The following TUBAL3 variants were observed in gnomAD, a reference collection of about 807,000 sequenced individuals.
The protein encoded by TUBAL3 is tubulin alpha chain-like 3.
Under a neutral mutation model 15.5 loss-of-function variants are expected in TUBAL3, and 16 were observed. The ratio of observed to expected loss-of-function variants is 1.04; its 90% CI spans 0.70 to 1.57. The LOEUF (loss-of-function observed/expected upper bound fraction) is 1.57. Ranked by LOEUF, TUBAL3 falls within the 40% of genes most tolerant of loss-of-function variation. The pLI, the probability that TUBAL3 is intolerant of heterozygous loss-of-function variation, is 0.00. For missense variants in TUBAL3, 609 were observed against 576.2 expected, an observed-to-expected ratio of 1.06 and a Z score of -0.58; for synonymous variants, 238 against 224.3, an observed-to-expected ratio of 1.06 and a Z score of -0.55.
Position 5,395,584 on chromosome 10 carries a change from C to G in TUBAL3, c.248-109G>C. ...CGTACTTGACTCCCATGCTTTCTCTCAATATTGTGGTCCAGGAATGGAATT... is the reference window on the plus strand; with the variant it reads ...CGTACTTGACTCCCATGCTTTCTCTGAATATTGTGGTCCAGGAATGGAATT... On this transcript the variant is annotated intron_variant, in intron 2 of 3. Transcript: ENST00000380419. The surrounding 1 kb of genome is among the most constrained non-coding windows in gnomAD (Gnocchi z 4.6). The G allele has an allele frequency of 8.2e-7, 1 of 1,212,418 alleles. No individual in the cohort carries two copies. The highest frequency in any genetic ancestry group is 1.1e-6 in the Non-Finnish European group (1 of 918,312). 75.1% of individuals were successfully genotyped at this position (1,212,418 alleles called of 1,614,324 possible). A position where few individuals can be genotyped will look rare whatever the true frequency, so the allele number is the denominator to read the frequency against.
In TUBAL3 at chr10:5,396,601, C is replaced by G. The variant is rs1831769003; in HGVS notation, c.248-1126G>C. Among the ~76,000 whole-genome samples the G allele has an allele frequency of 6.6e-6, 1 of 152,184 alleles. No individual in the cohort carries two copies. The highest frequency in any genetic ancestry group is 1.5e-5 in the Non-Finnish European group (1 of 68,030). On this transcript the variant is annotated intron_variant, in intron 2 of 3. Coordinates refer to ENST00000380419, the MANE Select transcript of TUBAL3 (RefSeq NM_024803.3). The surrounding 1 kb of genome is among the most constrained non-coding windows in gnomAD (Gnocchi z 5.1). ...AGAGGATTTAACAGGGAAGGCACGG[C>G]AAACTCAAATGCCCACACGACCCAA...
chr10:5,393,634 C>G lies in TUBAL3; in HGVS notation c.1224G>C (p.Lys408Asn). Reference sequence around the variant, plus strand: ...TGAGGTACCAGTGCAGAAATGCTCTCTTGGCGTACATGAGGTCAAACTTGT... The same window carrying G: ...TGAGGTACCAGTGCAGAAATGCTCTGTTGGCGTACATGAGGTCAAACTTGT... ...LDHKFDLMYA[K>N]RAFLHWYLRE... The change falls in exon 4 of 4, where the codon AAG (lysine) becomes AAC (asparagine). Residue 408 changes from lysine (K) to asparagine (N), a missense_variant. By Grantham distance (94) the Lys-to-Asn change is moderately conservative. Transcript: ENST00000380419. The G allele has an allele frequency of 6.2e-7, 1 of 1,614,200 alleles. No individual in the cohort carries two copies. The highest frequency in any genetic ancestry group is 1.1e-5 in the South Asian group (1 of 91,084).
At chr10:5,401,936 T>C (rs1264584253) in intron 1 of TUBAL3, among the ~76,000 whole-genome samples, 2 of 152,166 alleles carry the variant, frequency 1.3e-5, no homozygotes, top group African/African-American at 4.8e-5. Context: ...ATTTAAAGGA[T>C]GTTACATCAA....
Position 5,394,710 on chromosome 10 carries a change from T to C in TUBAL3, c.397-249A>G, listed in dbSNP as rs1831735844. Among the ~76,000 whole-genome samples, 1 of 152,226 alleles carries C rather than the reference T, an allele frequency of 6.6e-6. No individual in the cohort carries two copies. Among genetic ancestry groups the C allele is most frequent in the Non-Finnish European group, 1.5e-5 (1 of 68,028 alleles). On this transcript the variant is annotated intron_variant, in intron 3 of 3. Transcript: ENST00000380419. This position sits in a 1 kb window ranked among gnomAD's most constrained non-coding sequence, Gnocchi z 4.3. ...AATATCCACCTGTCTTTCACTGACC[T>C]CTGTGCATTTATCGGTATGTGATCG...
chr10:5,394,404 T>G lies in TUBAL3; in HGVS notation c.454A>C (p.Thr152Pro), dbSNP rs1359838584. 2 of 1,613,774 alleles carry G rather than the reference T, an allele frequency of 1.2e-6. No individual in the cohort carries two copies. Among genetic ancestry groups the G allele is most frequent in the Non-Finnish European group, 1.7e-6 (2 of 1,179,942 alleles). ...AAGAGAGACGTAAACCCTGAACCAGTGCCTCCTCCAAAGCTTCGGAAAATC... is the reference window on the plus strand; with the variant it reads ...AAGAGAGACGTAAACCCTGAACCAGGGCCTCCTCCAAAGCTTCGGAAAATC... ...FLIFRSFGGG[T>P]GSGFTSLLME... The change falls in exon 4 of 4, where the codon ACT becomes CCT. Residue 152 changes from threonine (T) to proline (P), a missense_variant. Physicochemically the swap from Thr to Pro is conservative, Grantham distance 38. Coordinates refer to ENST00000380419, the MANE Select transcript of TUBAL3 (RefSeq NM_024803.3). The surrounding 1 kb of genome is among the most constrained non-coding windows in gnomAD (Gnocchi z 4.3).
At chr10:5,398,452 A>C in intron 2 of TUBAL3, among the ~76,000 whole-genome samples, 1 of 145,800 alleles carries the variant, frequency 6.9e-6, no homozygotes, top group Non-Finnish European at 1.5e-5. Flanking sequence ...AAAAAAACTT[A>C]TCCACATGTA....
rs1164086765 is a variant in TUBAL3 at position 5,397,277 on chromosome 10, A to T, written c.248-1802T>A. 6.6e-6 allele frequency among the ~76,000 whole-genome samples: 1 copy of T among 152,166 alleles called. No individual in the cohort carries two copies. The highest frequency in any genetic ancestry group is 1.5e-5 in the Non-Finnish European group (1 of 68,036). ...TAAACTCCAATTTTGCAACCTCTCA[A>T]ATAATATTTATTGAAATTGAGTTTA... On this transcript the variant is annotated intron_variant, in intron 2 of 3. Transcript: ENST00000380419. The surrounding 1 kb of genome is among the most constrained non-coding windows in gnomAD (Gnocchi z 4.9).
intron 1 of TUBAL3, 24 bp from the exon 2 acceptor site, chr10:5,401,111 G>A: frequency 6.2e-7 from 1 of 1,612,364 alleles, no homozygotes; most frequent in South Asian, 1.1e-5. Flanking sequence ...TGGTGAGTTG[G>A]AACTGAGCAG....
chr10:5,402,881 C>T (rs1257881506), intron 1 of TUBAL3, among the ~76,000 whole-genome samples: 3 of 152,196 alleles, frequency 2.0e-5, no homozygotes, highest in African/African-American at 7.2e-5. Flanking sequence ...AAATTGTGTC[C>T]CACAAAACTG....
intron 2 of TUBAL3, among the ~76,000 whole-genome samples, chr10:5,399,452 G>A (rs782079167): frequency 4.6e-5 from 7 of 152,198 alleles, no homozygotes; most frequent in African/African-American, 7.2e-5. Context: ...TGCAAGCTGG[G>A]AAGAGAGCCT....
At chr10:5,403,720 C>T (rs1831891556) in intron 1 of TUBAL3, among the ~76,000 whole-genome samples, 1 of 133,476 alleles carries the variant, frequency 7.5e-6, no homozygotes, top group Admixed American at 8.0e-5. Context: ...CTATCTTTGC[C>T]TTATTCTTCT....
intron 1 of TUBAL3, 96 bp downstream of exon 1, chr10:5,404,694 C>G (rs927591790): frequency 1.0e-5 from 13 of 1,268,642 alleles, no homozygotes; most frequent in African/African-American, 7.4e-5. Context: ...TCTTCTCTTG[C>G]ATTACAATTT....
rs782483305 is a variant in TUBAL3 at position 5,394,337 on chromosome 10, A to G, written c.521T>C (p.Leu174Pro). The change falls in exon 4 of 4, where the codon CTG becomes CCG. Residue 174 changes from leucine to proline, a missense_variant. Physicochemically the swap from Leu to Pro is moderately conservative, Grantham distance 98 (BLOSUM62 -3). Coordinates refer to ENST00000380419, the MANE Select transcript of TUBAL3 (RefSeq NM_024803.3). The surrounding 1 kb of genome is among the most constrained non-coding windows in gnomAD (Gnocchi z 4.3). ...LTGEYSRKTK[L>P]EFSVYPAPRI... is the part of the protein sequence containing the mutation. ...GGGGGCTGGGTAGACCGAGAACTCC[A>G]GCTTAGTCTTTCTGCTATATTCTCC... The G allele has an allele frequency of 3.1e-6, 5 of 1,614,182 alleles. No individual in the cohort carries two copies. In the Admixed American group the frequency reaches 6.7e-5, roughly 22 times the overall value.
Position 5,395,332 on chromosome 10 carries a change from T to C in TUBAL3, c.391A>G (p.Lys131Glu). The change falls in exon 3 of 4, where the codon AAG becomes GAG. Residue 131 changes from lysine to glutamate, a missense_variant. Coordinates refer to ENST00000380419, the MANE Select transcript of TUBAL3 (RefSeq NM_024803.3). This position sits in a 1 kb window ranked among gnomAD's most constrained non-coding sequence, Gnocchi z 4.6. ...VIDLVLERTR[K>E]LAEQCGGLQG... is the part of the protein sequence containing the mutation. ...GGAGAGGGGGAGCCACTTGCCAGCT[T>C]CCGGGTCCTCTCCAGCACAAGGTCG... 6.4e-7 allele frequency: 1 copy of C among 1,551,502 alleles called. No homozygotes were observed. The highest frequency in any genetic ancestry group is 1.4e-5 in the African/African-American group (1 of 72,922).
At chr10:5,404,586 A>T (rs1831902569) in intron 1 of TUBAL3, among the ~76,000 whole-genome samples, 1 of 152,246 alleles carries the variant, frequency 6.6e-6, no homozygotes, top group Non-Finnish European at 1.5e-5. Flanking sequence ...TTACCTTGAA[A>T]GAAGCAACAT....
At chr10:5,403,281 G>T (rs1831883227) in intron 1 of TUBAL3, among the ~76,000 whole-genome samples, 2 of 152,154 alleles carry the variant, frequency 1.3e-5, no homozygotes. Context: ...CCTTCTGTCG[G>T]ACTTAAAGTG....
Position 5,401,383 on chromosome 10 carries a change from A to C in TUBAL3, c.4-296T>G, listed in dbSNP as rs183538298. On this transcript the variant is annotated intron_variant, in intron 1 of 3. Coordinates refer to ENST00000380419, the MANE Select transcript of TUBAL3 (RefSeq NM_024803.3). Reference sequence around the variant, plus strand: ...GAATTAAGACAAACACACACAATGCAAATCAAAATACAACTAATTTTACTT... The same window carrying C: ...GAATTAAGACAAACACACACAATGCCAATCAAAATACAACTAATTTTACTT... Among the ~76,000 whole-genome samples, 52 of 152,320 alleles carry C rather than the reference A, an allele frequency of 3.4e-4. 1 individual carries two copies. Among genetic ancestry groups the C allele is most frequent in the Non-Finnish European group, 7.3e-5 (5 of 68,032 alleles).
chr10:5,393,454 A>G lies in TUBAL3; in HGVS notation c.*63T>C. 1.4e-6 allele frequency: 2 copies of G among 1,453,220 alleles called. No homozygotes were observed. The highest frequency in any genetic ancestry group is 1.3e-5 in the South Asian group (1 of 74,808). 90.0% of individuals were successfully genotyped at this position (1,453,220 alleles called of 1,614,324 possible). A position where few individuals can be genotyped will look rare whatever the true frequency, so the allele number is the denominator to read the frequency against. On this transcript the variant is annotated 3_prime_UTR_variant, in exon 4 of 4. Coordinates refer to ENST00000380419, the MANE Select transcript of TUBAL3 (RefSeq NM_024803.3). ...CAGGGGAACTACCCACTAGGCATATAACGGCTTGAAAAGAAAACATGCCAT... is the reference window on the plus strand; with the variant it reads ...CAGGGGAACTACCCACTAGGCATATGACGGCTTGAAAAGAAAACATGCCAT...
At position 5,397,522 on chromosome 10, in the gene TUBAL3, T is replaced by A. The variant is rs7895912; in HGVS notation, c.248-2047A>T. Among the ~76,000 whole-genome samples the A allele has an allele frequency of 0.75, 114,535 of 151,988 alleles. 43,444 individuals carry two copies. The highest frequency in any genetic ancestry group is 0.82 in the East Asian group (4,252 of 5,158). On this transcript the variant is annotated intron_variant, in intron 2 of 3. Transcript: ENST00000380419. This position sits in a 1 kb window ranked among gnomAD's most constrained non-coding sequence, Gnocchi z 4.9. ...ATCTTGAGGGTCAATAGGTTCATAA[T>A]TTATTTCCATAAAATCCATTATCTC...
Sources: gnomAD v4.1 joint callset for allele counts (sites outside exome capture counted in the v4.1 genomes callset) on GRCh38, gnomAD v4.1.1 for gene constraint, Gnocchi (gnomAD v3.1) non-coding constraint, MANE v1.5 for transcripts, NCBI Gene and HGNC (gene_info 2026-07-23, HGNC 2026-07-21) for gene names.